GAPVD1: variants seen among roughly 807,000 people sequenced by gnomAD.
GAPVD1 encodes the protein GTPase activating protein and VPS9 domains 1, also known as GTPase-activating protein and VPS9 domain-containing protein 1.
GAPVD1 carries 35 observed loss-of-function variants against 155.5 expected under a neutral mutation model. The observed-to-expected ratio is 0.23, with a 90% CI of 0.17 to 0.30. The LOEUF is 0.30. Ranked by LOEUF, GAPVD1 falls within the 10% of genes least tolerant of loss-of-function variation. GAPVD1 has a pLI of 1.00. For missense variants in GAPVD1, 1,429 were observed against 1,775.7 expected (o/e 0.80, Z 3.51); for synonymous variants, 636 against 619.7 (o/e 1.03, Z -0.39).
rs750818257 is a variant in GAPVD1, at chr9:125,354,841, G to A, written c.3757G>A (p.Asp1253Asn). 2 of 1,601,452 alleles carry A rather than the reference G, an allele frequency of 1.2e-6. No homozygotes were observed. Among genetic ancestry groups the A allele is most frequent in the South Asian group, 2.2e-5 (2 of 90,768 alleles). ...KEKKIREFIQ[D>N]FQKLTAADDK... is the part of the protein sequence containing the mutation. ...AAAGAAGATCAGGGAATTCATTCAA[G>A]GTAACTCAATACCTTTAGTTTAAGC... is the stretch of plus-strand genomic sequence containing the variant. The change falls in exon 24 of 28, where the codon GAC becomes AAC. Residue 1253 changes from aspartate to asparagine, a missense_variant and splice_region_variant. This residue lies in a region of GAPVD1 where 699 missense variants were observed against 826.0 expected (regional missense o/e 0.85). Transcript: ENST00000297933.
At position 125,341,976 on chromosome 9, in the gene GAPVD1, A is replaced by G. The variant is rs1847900027; in HGVS notation, c.2966-243A>G. ...CAGAGGTTAAGAGTCAGTGGTTTTG[A>G]TTTTAGTCCCAATGGATTCCTGTTA... is the stretch of plus-strand genomic sequence containing the variant. On this transcript the variant is annotated intron_variant, in intron 18 of 27. Transcript: ENST00000297933. 5.5e-6 allele frequency: 2 copies of G among 360,610 alleles called. 1 individual carries two copies. Among genetic ancestry groups the G allele is most frequent in the South Asian group, 8.3e-5 (2 of 24,104 alleles). The allele number at this position is 360,610 out of a possible 1,614,324, so 22.3% of individuals were successfully genotyped here.
intron 8 of GAPVD1, among the ~76,000 whole-genome samples, chr9:125,312,040 G>C (rs1009771865): frequency 6.6e-6 from 1 of 152,164 alleles, no homozygotes; most frequent in Admixed American, 6.6e-5. Flanking sequence ...TGTAAGCTCA[G>C]TTATTGGTAT....
chr9:125,321,196 C>G (rs1844290302), intron 9 of GAPVD1, among the ~76,000 whole-genome samples: 1 of 152,178 alleles, frequency 6.6e-6, no homozygotes, highest in Non-Finnish European at 1.5e-5. Flanking sequence ...ATCTGGTAGT[C>G]TGGTTGCCTG....
intron 6 of GAPVD1, among the ~76,000 whole-genome samples, chr9:125,306,353 G>T (rs1260016952): frequency 6.6e-6 from 1 of 151,936 alleles, no homozygotes; most frequent in African/African-American, 2.4e-5. Context: ...ATGTTATTAG[G>T]TTGTTTTTCC....
At chr9:125,311,690 A>G (rs757352957) in intron 8 of GAPVD1, among the ~76,000 whole-genome samples, 4 of 151,600 alleles carry the variant, frequency 2.6e-5, no homozygotes, top group Non-Finnish European at 4.4e-5. Context: ...TTATGTGGCT[A>G]TTAGGTTTTC....
At chr9:125,273,096 T>G (rs1835179746) in intron 2 of GAPVD1, among the ~76,000 whole-genome samples, 1 of 152,220 alleles carries the variant, frequency 6.6e-6, no homozygotes. Flanking sequence ...TATCTTGATC[T>G]CCAGATTTAT....
intron 2 of GAPVD1, among the ~76,000 whole-genome samples, chr9:125,273,408 TTTGTC>T (rs1365674867): frequency 3.3e-5 from 5 of 152,162 alleles, no homozygotes; most frequent in Non-Finnish European, 7.3e-5. Context: ...TTTTACAGAA[TTTGTC>T]TTGTCTTGAG....
At chr9:125,279,645 A>G (rs1167479152) in intron 2 of GAPVD1, among the ~76,000 whole-genome samples, 3 of 152,068 alleles carry the variant, frequency 2.0e-5, no homozygotes, top group African/African-American at 7.2e-5. Context: ...AATAAAAAAA[A>G]ATAGTTCTGC....
At chr9:125,341,474 T>C (rs778939248) in intron 18 of GAPVD1, 1 of 448,522 alleles carries the variant, frequency 2.2e-6, no homozygotes, top group Non-Finnish European at 3.9e-6. Context: ...GTGATAGTGG[T>C]TTCATAAATG....
intron 27 of GAPVD1, among the ~76,000 whole-genome samples, chr9:125,361,028 A>AT (rs1267637685): frequency 6.6e-6 from 1 of 151,516 alleles, no homozygotes; most frequent in Non-Finnish European, 1.5e-5. Context: ...TGCCCAGCGA[A>AT]TTTTTTTTCA....
intron 27 of GAPVD1, among the ~76,000 whole-genome samples, chr9:125,361,022 C>T (rs916937755): frequency 6.6e-6 from 1 of 152,070 alleles, no homozygotes; most frequent in Non-Finnish European, 1.5e-5. Flanking sequence ...TCACCATGCC[C>T]AGCGAATTTT....
rs1354017219 is a variant in GAPVD1, at chr9:125,366,500, C to T, written c.*3754C>T. 4 of 152,290 alleles carry T rather than the reference C, an allele frequency of 2.6e-5. 1 individual carries two copies. In the South Asian group the frequency reaches 8.3e-4, roughly 32 times the overall value. The allele number at this position is 152,290 out of a possible 1,614,324, so 9.4% of individuals were successfully genotyped here. On this transcript the variant is annotated 3_prime_UTR_variant, in exon 28 of 28. Coordinates refer to ENST00000297933, the MANE Select transcript of GAPVD1 (RefSeq NM_001282680.3). ...ATTGGTGCTTCCTAGATTTTTCTCT[C>T]CCATCTCTTCCTGCTTTGTTTCTTT...
intron 19 of GAPVD1, among the ~76,000 whole-genome samples, chr9:125,344,982 A>G (rs1848308326): frequency 6.6e-6 from 1 of 152,142 alleles, no homozygotes; most frequent in Non-Finnish European, 1.5e-5. Flanking sequence ...AATCCTGTCT[A>G]TATACAATTG....
chr9:125,343,262 A>G (rs1564441044), intron 19 of GAPVD1, among the ~76,000 whole-genome samples: 1 of 151,682 alleles, frequency 6.6e-6, no homozygotes, highest in African/African-American at 2.4e-5. Context: ...GCCCAAGACA[A>G]TTCTTCTTCT....
intron 6 of GAPVD1, 62 bp downstream of exon 6, chr9:125,305,211 A>C (rs1841581497): frequency 9.3e-7 from 1 of 1,075,400 alleles, no homozygotes; most frequent in African/African-American, 1.6e-5. Context: ...TGTTCTCTTT[A>C]TTAAATCTTG....
rs139801640 is a variant in GAPVD1 at position 125,302,306 on chromosome 9, T to G, written c.509T>G (p.Leu170Arg). Residue 170 changes from leucine (L) to arginine (R), a missense_variant, in exon 5 of 28, where the codon CTT becomes CGT. By Grantham distance (102) the Leu-to-Arg change is moderately radical. Transcript: ENST00000297933. ...AAAGAAAGTGACAACCCTAGGCGAC[T>G]TTTGAGGAGAGGAACTTGTGCCTTC... ...ELKESDNPRR[L>R]LRRGTCAFSI... 8 of 1,613,960 alleles carry G rather than the reference T, an allele frequency of 5.0e-6. No individual in the cohort carries two copies. In the African/African-American group the frequency reaches 1.1e-4, roughly 22 times the overall value.
At chr9:125,263,076 A>G (rs757960769) in intron 1 of GAPVD1, among the ~76,000 whole-genome samples, 6 of 152,236 alleles carry the variant, frequency 3.9e-5, no homozygotes, top group Non-Finnish European at 8.8e-5. Flanking sequence ...ATATTTCCAT[A>G]TAATTGGTTT....
chr9:125,306,786 C>G (rs1841894704), intron 6 of GAPVD1, among the ~76,000 whole-genome samples: 1 of 152,200 alleles, frequency 6.6e-6, no homozygotes. Flanking sequence ...CACTACCACA[C>G]CCAGCTCCAA....
intron 6 of GAPVD1, among the ~76,000 whole-genome samples, chr9:125,306,907 A>G (rs1841921080): frequency 6.6e-6 from 1 of 152,184 alleles, no homozygotes; most frequent in Non-Finnish European, 1.5e-5. Context: ...AGGTGGACGG[A>G]TCACTTGAAC....
Sources: allele counts gnomAD v4.1 joint callset (sites outside exome capture counted in the v4.1 genomes callset), GRCh38; gene constraint gnomAD v4.1.1; regional missense constraint gnomAD v4.1.1; transcripts MANE v1.5; gene names NCBI Gene and HGNC (gene_info 2026-07-23, HGNC 2026-07-21).